USH2A: variants seen among roughly 807,000 people sequenced by gnomAD.
The protein encoded by USH2A is usherin.
A neutral mutation model predicts 538.9 loss-of-function variants in USH2A; 443 were observed. The ratio of observed to expected loss-of-function variants is 0.82; its 90% CI spans 0.76 to 0.89. The LOEUF (loss-of-function observed/expected upper bound fraction) is 0.89. Among genes scored for constraint, USH2A ranks in the 40% least tolerant of loss-of-function variants. USH2A has a pLI of 0.00. For missense variants in USH2A, 6,633 were observed against 6,324.8 expected, an observed-to-expected ratio of 1.05 and a Z score of -1.65; for synonymous variants, 2,413 against 2,273.5, an observed-to-expected ratio of 1.06 and a Z score of -1.75.
intron 31 of USH2A, among the ~76,000 whole-genome samples, chr1:216,046,994 A>G (rs1285052209): frequency 6.6e-6 from 1 of 152,196 alleles, no homozygotes; most frequent in African/African-American, 2.4e-5. Flanking sequence ...TTAAAAACCT[A>G]TATGTAATGA....
At chr1:216,288,526 AC>A (rs1487112240) in intron 11 of USH2A, among the ~76,000 whole-genome samples, 1 of 152,144 alleles carries the variant, frequency 6.6e-6, no homozygotes, top group East Asian at 1.9e-4. Context: ...ATATTCTATA[AC>A]TGGATTGTGG....
At chr1:215,919,025 T>C (rs1666031427) in intron 38 of USH2A, among the ~76,000 whole-genome samples, 1 of 152,070 alleles carries the variant, frequency 6.6e-6, no homozygotes, top group Admixed American at 6.6e-5. Context: ...ATTGCATAAA[T>C]TGGAATACTT....
intron 64 of USH2A, among the ~76,000 whole-genome samples, chr1:215,667,563 G>T (rs2102658276): frequency 6.6e-6 from 1 of 152,176 alleles, no homozygotes; most frequent in Non-Finnish European, 1.5e-5. Flanking sequence ...CGCCACGCAT[G>T]GTGGCGGGCG....
At chr1:216,258,786 G>A (rs918674149) in intron 11 of USH2A, among the ~76,000 whole-genome samples, 2 of 151,976 alleles carry the variant, frequency 1.3e-5, no homozygotes, top group African/African-American at 4.8e-5. Context: ...TCAAGCAGGA[G>A]GATAAATTCT....
Position 215,634,548 on chromosome 1 carries a change from C to G in USH2A, c.15208G>C (p.Glu5070Gln). 1 of 1,614,178 alleles carries G rather than the reference C, an allele frequency of 6.2e-7. No individual in the cohort carries two copies. The highest frequency in any genetic ancestry group is 1.6e-4 in the Middle Eastern group (1 of 6,062). The change falls in exon 70 of 72, where the codon GAG becomes CAG. Residue 5070 changes from glutamate to glutamine, a missense_variant. Glu to Gln is a conservative substitution (Grantham distance 29, BLOSUM62 2). Coordinates refer to ENST00000307340, the MANE Select transcript of USH2A (RefSeq NM_206933.4). ...GGAGGTCTTTCTCTGATATATGGCT[C>G]TTTGTGGATTTTTCTTTGTAGTATC... is the stretch of plus-strand genomic sequence containing the variant. ...SLILQRKIHK[E>Q]PYIRERPPLV...
At chr1:215,861,840 T>G (rs942758212) in intron 44 of USH2A, among the ~76,000 whole-genome samples, 1 of 110,026 alleles carries the variant, frequency 9.1e-6, no homozygotes, top group Non-Finnish European at 1.8e-5. Context: ...AGTTTTCGCT[T>G]TTTTTTTTTT....
At chr1:215,761,749 T>C (rs1048574676) in intron 56 of USH2A, among the ~76,000 whole-genome samples, 1 of 152,204 alleles carries the variant, frequency 6.6e-6, no homozygotes, top group African/African-American at 2.4e-5. Flanking sequence ...CAAGTACTCT[T>C]ATAGATGTAC....
At chr1:216,171,639 C>A (rs2034278674) in intron 21 of USH2A, among the ~76,000 whole-genome samples, 1 of 151,922 alleles carries the variant, frequency 6.6e-6, no homozygotes, top group South Asian at 2.1e-4. Context: ...ACTAAATAAT[C>A]TGTGTGGTAG....
intron 38 of USH2A, among the ~76,000 whole-genome samples, 178 bp downstream of exon 38, chr1:215,934,438 G>T (rs140194195): frequency 6.6e-6 from 1 of 151,776 alleles, no homozygotes; most frequent in African/African-American, 2.4e-5. Flanking sequence ...ATAAAAGATC[G>T]TCAATTAAAG....
chr1:215,783,940 C>G (rs1199062253), intron 52 of USH2A, among the ~76,000 whole-genome samples: 1 of 152,110 alleles, frequency 6.6e-6, no homozygotes, highest in Non-Finnish European at 1.5e-5. Flanking sequence ...TACAATAAAC[C>G]CTTCCCTGCC....
intron 47 of USH2A, among the ~76,000 whole-genome samples, chr1:215,829,609 A>G (rs1260390273): frequency 6.6e-6 from 1 of 152,252 alleles, no homozygotes; most frequent in Non-Finnish European, 1.5e-5. Flanking sequence ...AAACCAAAAT[A>G]GAAACATAAC....
intron 43 of USH2A, among the ~76,000 whole-genome samples, chr1:215,876,079 CA>C (rs1180141971): frequency 6.6e-6 from 1 of 151,834 alleles, no homozygotes; most frequent in African/African-American, 2.4e-5. Context: ...TTCCTTATCA[CA>C]GTGCCTCAGC....
intron 9 of USH2A, among the ~76,000 whole-genome samples, chr1:216,306,113 C>T (rs1322208648): frequency 5.3e-5 from 8 of 152,074 alleles, no homozygotes; most frequent in African/African-American, 1.4e-4. Context: ...ATTTTCCAAA[C>T]GTTTAGATTT....
chr1:216,068,013 T>C (rs2031435420), intron 30 of USH2A, among the ~76,000 whole-genome samples: 1 of 152,118 alleles, frequency 6.6e-6, no homozygotes, highest in African/African-American at 2.4e-5. Flanking sequence ...CAAAGGACAC[T>C]GAGAACAGGG....
intron 37 of USH2A, among the ~76,000 whole-genome samples, chr1:215,946,035 C>A (rs1331128245): frequency 2.0e-5 from 3 of 152,264 alleles, no homozygotes; most frequent in Non-Finnish European, 2.9e-5. Context: ...AATGCCAATA[C>A]TGCCAAGTGC....
At chr1:216,251,706 C>T (rs1012203249) in intron 11 of USH2A, among the ~76,000 whole-genome samples, 1 of 152,108 alleles carries the variant, frequency 6.6e-6, no homozygotes, top group Non-Finnish European at 1.5e-5. Flanking sequence ...TCCCAAAGTG[C>T]TGGGATTACA....
intron 9 of USH2A, among the ~76,000 whole-genome samples, chr1:216,298,941 C>T (rs2037159226): frequency 6.6e-6 from 1 of 151,738 alleles, no homozygotes; most frequent in South Asian, 2.1e-4. Context: ...CCCAGGTTCA[C>T]ACCATTCTCC....
chr1:215,848,836 A>C (rs2102825798), intron 44 of USH2A, among the ~76,000 whole-genome samples: 1 of 152,340 alleles, frequency 6.6e-6, no homozygotes, highest in South Asian at 2.1e-4. Flanking sequence ...TCACATGAGA[A>C]GTTCTGGGAG....
rs1049576947 is a variant in USH2A, at chr1:215,708,502, C to A, written c.12066+19528G>T. On this transcript the variant is annotated intron_variant, in intron 61 of 71. Transcript: ENST00000307340. ...CAGTGATCCCCAACCTTTTGGGCAC[C>A]AGGGATCCGTTTCATGGAAGACAAT... is the stretch of plus-strand genomic sequence containing the variant. Among the ~76,000 whole-genome samples, 3 of 152,124 alleles carry A rather than the reference C, an allele frequency of 2.0e-5. No homozygotes were observed. The East Asian group carries it at 5.8e-4, about 29-fold the overall frequency.
Sources: gnomAD v4.1 joint callset for allele counts (sites outside exome capture counted in the v4.1 genomes callset) on GRCh38, gnomAD v4.1.1 for gene constraint, MANE v1.5 for transcripts, NCBI Gene and HGNC (gene_info 2026-07-23, HGNC 2026-07-21) for gene names.